CAPN8: variants seen among roughly 807,000 people sequenced by gnomAD.
CAPN8 encodes the protein calpain 8.
In CAPN8, 87 loss-of-function variants were observed where a neutral mutation model predicts 80.9. The observed-to-expected ratio is 1.07, with a 90% CI of 0.90 to 1.28. CAPN8 has a LOEUF of 1.28. CAPN8 is among the 50% of genes most tolerant of loss of function. CAPN8 has a pLI of 0.00. For synonymous variants in CAPN8, 299 were observed against 273.8 expected, an observed-to-expected ratio of 1.09 and a Z score of -0.91; for missense variants, 757 against 702.0, an observed-to-expected ratio of 1.08 and a Z score of -0.89.
intron 2 of CAPN8, among the ~76,000 whole-genome samples, chr1:223,653,337 A>G (rs1267046012): frequency 6.6e-6 from 1 of 151,898 alleles, no homozygotes; most frequent in Non-Finnish European, 1.5e-5. Context: ...GAACATTGGA[A>G]GCGTTTAAAA....
intron 19 of CAPN8, 61 bp from the exon 20 acceptor site, chr1:223,543,227 A>C: frequency 6.5e-7 from 1 of 1,534,762 alleles, no homozygotes; most frequent in South Asian, 1.2e-5. Context: ...TGGAACAATC[A>C]GAGAGCTGCC....
At chr1:223,629,174 A>C (rs1473630986) in intron 2 of CAPN8, among the ~76,000 whole-genome samples, 2 of 145,552 alleles carry the variant, frequency 1.4e-5, no homozygotes, top group Non-Finnish European at 3.0e-5. Flanking sequence ...CTGTTAATCC[A>C]ATCTATGATG....
chr1:223,633,567 C>G (rs1657833577), intron 2 of CAPN8, among the ~76,000 whole-genome samples: 1 of 151,934 alleles, frequency 6.6e-6, no homozygotes, highest in African/African-American at 2.4e-5. Flanking sequence ...GAGGCTGAGG[C>G]AAGAGAATCA....
At chr1:223,643,955 A>T (rs72747950) in intron 2 of CAPN8, among the ~76,000 whole-genome samples, 13,825 of 152,186 alleles carry the variant, frequency 0.091, 675 homozygotes, top group African/African-American at 0.13. Flanking sequence ...TTTAAAAAAA[A>T]TTTTTTTAAT....
intron 12 of CAPN8, 23 bp from the exon 13 acceptor site, chr1:223,558,190 A>G (rs1656947959): frequency 7.5e-6 from 3 of 398,548 alleles, no homozygotes; most frequent in Non-Finnish European, 1.3e-5. Flanking sequence ...GAAAGAAATA[A>G]ACCAAACATG....
chr1:223,630,028 T>C (rs1348572540), intron 2 of CAPN8, among the ~76,000 whole-genome samples: 1 of 152,206 alleles, frequency 6.6e-6, no homozygotes, highest in Non-Finnish European at 1.5e-5. Flanking sequence ...CAGAGCTATA[T>C]ACATATTCTA....
chr1:223,621,376 T>C (rs534640827), intron 7 of CAPN8, among the ~76,000 whole-genome samples: 3 of 152,054 alleles, frequency 2.0e-5, no homozygotes, highest in Non-Finnish European at 2.9e-5. Context: ...CTCCAGCTGG[T>C]AGGGCCTCCA....
intron 6 of CAPN8, among the ~76,000 whole-genome samples, chr1:223,624,161 C>T (rs1447641056): frequency 1.3e-5 from 2 of 152,164 alleles, no homozygotes; most frequent in African/African-American, 2.4e-5. Context: ...GGCTCTCAAG[C>T]GCCTGCCCGG....
At chr1:223,615,789 A>G (rs937213626) in intron 10 of CAPN8, 181 bp downstream of exon 10, 4 of 733,390 alleles carry the variant, frequency 5.5e-6, no homozygotes, top group Admixed American at 2.0e-5. Context: ...CATAGGAATG[A>G]ATCTCTAAAT....
At chr1:223,642,668 C>T (rs189888273) in intron 2 of CAPN8, 11 of 388,804 alleles carry the variant, frequency 2.8e-5, no homozygotes, top group South Asian at 2.2e-4. Flanking sequence ...GAATCAGAAG[C>T]CATTTTTGCC....
intron 1 of CAPN8, among the ~76,000 whole-genome samples, chr1:223,664,635 C>T (rs1658737198): frequency 1.3e-5 from 2 of 152,218 alleles, no homozygotes; most frequent in African/African-American, 4.8e-5. Flanking sequence ...CTATACCTCA[C>T]CATCTCTGAA....
rs1656574137 is a variant in CAPN8 at position 223,544,797 on chromosome 1, C to T, written c.1887G>A (p.Glu629=). 9.7e-6 allele frequency: 15 copies of T among 1,551,742 alleles called. 1 individual carries two copies. The African/African-American group carries it at 1.1e-4, about 11-fold the overall frequency. The change falls in exon 18 of 21, where the codon GAG becomes GAA. Residue 629 remains glutamate (E), a synonymous_variant. Transcript: ENST00000366872. ...CTGCCTTCCTGAGGGCTGTCCTCAT[C>T]TCGTGGGCATCGATGGTGCCCGAGT... is the stretch of plus-strand genomic sequence containing the variant. ...YNHSGTIDAH[E]MRTALRKAGF... is the part of the protein sequence containing the mutation.
chr1:223,638,070 G>C (rs78841899), intron 2 of CAPN8, among the ~76,000 whole-genome samples: 1 of 152,090 alleles, frequency 6.6e-6, no homozygotes, highest in Non-Finnish European at 1.5e-5. Flanking sequence ...CCAACTGCAG[G>C]TTGAAAATAT....
intron 1 of CAPN8, among the ~76,000 whole-genome samples, chr1:223,662,632 G>A (rs1277650719): frequency 1.3e-5 from 2 of 152,156 alleles, no homozygotes; most frequent in African/African-American, 4.8e-5. Context: ...CCACTGAACT[G>A]TGCATTTAGA....
chr1:223,648,327 C>T (rs375263459), intron 2 of CAPN8, among the ~76,000 whole-genome samples: 101 of 152,338 alleles, frequency 6.6e-4, no homozygotes, highest in African/African-American at 2.4e-3. Flanking sequence ...TTTCCCACCT[C>T]GGAGGCCTGA....
chr1:223,549,115 A>G (rs1656712559), intron 16 of CAPN8, among the ~76,000 whole-genome samples: 2 of 152,090 alleles, frequency 1.3e-5, no homozygotes, highest in Admixed American at 1.3e-4. Flanking sequence ...AACGGAGATA[A>G]TCTCAAGCTT....
chr1:223,649,326 T>C (rs994978423), intron 2 of CAPN8, among the ~76,000 whole-genome samples: 4 of 152,226 alleles, frequency 2.6e-5, no homozygotes, highest in East Asian at 3.8e-4. Flanking sequence ...GCATGGCAGG[T>C]AGAGTTAGCA....
At chr1:223,622,781 G>T in intron 7 of CAPN8, 34 bp downstream of exon 7, 1 of 1,497,230 alleles carries the variant, frequency 6.7e-7, no homozygotes, top group South Asian at 1.2e-5. Flanking sequence ...CGCAGAGGGA[G>T]AGATGACTGG....
intron 18 of CAPN8, among the ~76,000 whole-genome samples, 177 bp downstream of exon 18, chr1:223,544,595 G>A (rs949436993): frequency 1.3e-5 from 2 of 152,144 alleles, no homozygotes; most frequent in Non-Finnish European, 2.9e-5. Context: ...ATATGGAATC[G>A]AGCAATATTC....
Sources: gnomAD v4.1 joint callset for allele counts (sites outside exome capture counted in the v4.1 genomes callset) on GRCh38, gnomAD v4.1.1 for gene constraint, MANE v1.5 for transcripts, NCBI Gene and HGNC (gene_info 2026-07-23, HGNC 2026-07-21) for gene names.